EYA3: variants seen among roughly 807,000 people sequenced by gnomAD.
EYA3 encodes protein phosphatase EYA3.
EYA3 carries 39 observed loss-of-function variants against 80.0 expected under a neutral mutation model. The observed-to-expected ratio is 0.49, with a 90% CI of 0.38 to 0.64. EYA3 has a LOEUF of 0.64. Ranked by LOEUF, EYA3 falls within the 30% of genes least tolerant of loss-of-function variation. The probability of loss-of-function intolerance (pLI) is 0.00; values close to 1 mark genes in which losing one functional copy is unlikely to be tolerated. For missense variants in EYA3, 523 were observed against 676.1 expected (o/e 0.77, Z 2.51); for synonymous variants, 206 against 232.8 (o/e 0.88, Z 1.05).
chr1:27,978,477 G>A lies in EYA3; in HGVS notation c.1541-3C>T, dbSNP rs1443130740. ...TCTCTCAAAGCAGCTCTCCTTACCT[G>A]ATGAGAAAAAGAAATTTCCTGTTAG... On this transcript the variant is annotated splice_region_variant and splice_polypyrimidine_tract_variant and intron_variant, in intron 16 of 17. Coordinates refer to ENST00000373871, the MANE Select transcript of EYA3 (RefSeq NM_001990.4). The A allele has an allele frequency of 2.5e-6, 4 of 1,611,642 alleles. No homozygotes were observed. The East Asian group carries it at 6.7e-5, about 27-fold the overall frequency.
chr1:28,066,290 T>C lies in EYA3; in HGVS notation c.-68-8196A>G, dbSNP rs181292251. 1.9e-3 allele frequency among the ~76,000 whole-genome samples: 290 copies of C among 152,188 alleles called. 2 individuals carry two copies. Among genetic ancestry groups the C allele is most frequent in the Non-Finnish European group, 3.2e-3 (217 of 67,996 alleles). The stretch of plus-strand genomic sequence containing the variant: ...CAGACCAAGGTTGATAGAAGGTAAC[T>C]AAAACCGCCAAAAGCAAAACTACAG... On this transcript the variant is annotated intron_variant, in intron 1 of 17. Coordinates refer to ENST00000373871, the MANE Select transcript of EYA3 (RefSeq NM_001990.4).
intron 11 of EYA3, among the ~76,000 whole-genome samples, chr1:28,001,626 C>A (rs1245982757): frequency 6.7e-6 from 1 of 149,748 alleles, no homozygotes; most frequent in Non-Finnish European, 1.5e-5. Flanking sequence ...GTAGTCCCAG[C>A]CACTCAGGGG....
intron 5 of EYA3, among the ~76,000 whole-genome samples, chr1:28,037,923 C>T (rs1643542653): frequency 6.6e-6 from 1 of 152,132 alleles, no homozygotes; most frequent in South Asian, 2.1e-4. Context: ...TTAATAAATG[C>T]ACTTGTATGT....
intron 3 of EYA3, among the ~76,000 whole-genome samples, chr1:28,043,861 A>C (rs1190014688): frequency 1.3e-5 from 2 of 152,180 alleles, no homozygotes; most frequent in African/African-American, 4.8e-5. Flanking sequence ...ACAAACAAAC[A>C]AACAAACAAA....
At chr1:28,005,989 C>T (rs1368332727) in intron 10 of EYA3, among the ~76,000 whole-genome samples, 1 of 151,758 alleles carries the variant, frequency 6.6e-6, no homozygotes, top group African/African-American at 2.4e-5. Flanking sequence ...CTTGTAGTCC[C>T]AGCTACTTGG....
intron 7 of EYA3, among the ~76,000 whole-genome samples, chr1:28,022,980 C>T (rs569583742): frequency 6.6e-6 from 1 of 151,296 alleles, no homozygotes; most frequent in East Asian, 1.9e-4. Flanking sequence ...TAAAAGGAAC[C>T]AGGATTCCTT....
chr1:28,088,522 ACC>A lies in EYA3; in HGVS notation c.-69_-69+1del, dbSNP rs1275181325. ...CAGACCCTGTTGGCAGCTGAGACTC[ACC>A]CAAAGGCTGTAAAAGCCCCACAACA... On this transcript the variant is annotated splice_donor_variant and 5_prime_UTR_variant, in exon 1 of 18. Coordinates refer to ENST00000373871, the MANE Select transcript of EYA3 (RefSeq NM_001990.4). LOFTEE classifies it low-confidence loss of function (5UTR_SPLICE). The A allele has an allele frequency of 6.5e-6, 1 of 153,120 alleles. No individual in the cohort carries two copies. The highest frequency in any genetic ancestry group is 1.5e-5 in the Non-Finnish European group (1 of 68,480). 9.5% of individuals were successfully genotyped at this position (153,120 alleles called of 1,614,324 possible).
intron 12 of EYA3, among the ~76,000 whole-genome samples, chr1:27,999,556 T>C (rs1640685198): frequency 6.6e-6 from 1 of 152,184 alleles, no homozygotes; most frequent in South Asian, 2.1e-4. Flanking sequence ...GACTATCCTT[T>C]AAGAATGTAA....
At chr1:28,079,610 C>T (rs139791824) in intron 1 of EYA3, among the ~76,000 whole-genome samples, 47 of 152,164 alleles carry the variant, frequency 3.1e-4, no homozygotes, top group African/African-American at 1.1e-3. Flanking sequence ...TTCAACCTCA[C>T]GATTCCAAAA....
At chr1:28,032,899 T>C (rs1426424752) in intron 6 of EYA3, among the ~76,000 whole-genome samples, 4 of 152,314 alleles carry the variant, frequency 2.6e-5, no homozygotes, top group East Asian at 1.9e-4. Context: ...AATCCTGGGT[T>C]CAATTATAAT....
At chr1:28,046,459 CTT>C (rs1384640591) in intron 3 of EYA3, among the ~76,000 whole-genome samples, 2 of 151,802 alleles carry the variant, frequency 1.3e-5, no homozygotes, top group Non-Finnish European at 2.9e-5. Context: ...CCTAATCTCT[CTT>C]TGAACTAGGG....
intron 7 of EYA3, among the ~76,000 whole-genome samples, chr1:28,025,945 G>C (rs1287196841): frequency 6.6e-6 from 1 of 152,116 alleles, no homozygotes; most frequent in African/African-American, 2.4e-5. Flanking sequence ...TTTTAGTAGA[G>C]ACGGGGTTTC....
intron 6 of EYA3, among the ~76,000 whole-genome samples, chr1:28,031,477 G>A (rs1474495018): frequency 6.6e-6 from 1 of 152,190 alleles, no homozygotes; most frequent in African/African-American, 2.4e-5. Context: ...AGCTAACAAT[G>A]GGTAAGTAAG....
intron 2 of EYA3, among the ~76,000 whole-genome samples, chr1:28,056,714 G>GAGAT (rs147671834): frequency 6.6e-6 from 1 of 152,318 alleles, no homozygotes; most frequent in East Asian, 1.9e-4. Context: ...CAGGGCAGAA[G>GAGAT]AGATAGATGA....
intron 16 of EYA3, among the ~76,000 whole-genome samples, chr1:27,984,924 G>A (rs1379731517): frequency 5.3e-5 from 8 of 151,918 alleles, no homozygotes; most frequent in Non-Finnish European, 4.4e-5. Context: ...TATTAGAACA[G>A]GCCTAATAAA....
intron 9 of EYA3, among the ~76,000 whole-genome samples, chr1:28,012,262 T>C (rs1641745217): frequency 6.6e-6 from 1 of 152,168 alleles, no homozygotes; most frequent in South Asian, 2.1e-4. Context: ...TCTCCAATAT[T>C]CAAAAGTTAA....
chr1:27,983,346 A>G lies in EYA3; in HGVS notation c.1541-4872T>C, dbSNP rs12124757. ...ATGATCATAGGGTTATGTACACCTC[A>G]AACTTCATTAGACATTAACGTTCTC... On this transcript the variant is annotated intron_variant, in intron 16 of 17. Coordinates refer to ENST00000373871, the MANE Select transcript of EYA3 (RefSeq NM_001990.4). Among the ~76,000 whole-genome samples the G allele has an allele frequency of 9.2e-3, 1,402 of 152,338 alleles. 10 individuals carry two copies. Among genetic ancestry groups the G allele is most frequent in the African/African-American group, 0.017 (703 of 41,578 alleles).
chr1:28,055,935 C>G (rs1449230659), intron 2 of EYA3, among the ~76,000 whole-genome samples: 1 of 152,018 alleles, frequency 6.6e-6, no homozygotes, highest in Non-Finnish European at 1.5e-5. Context: ...TTATCATCAA[C>G]TTGGGATGGG....
chr1:28,072,739 G>A (rs1645059386), intron 1 of EYA3, among the ~76,000 whole-genome samples: 1 of 152,064 alleles, frequency 6.6e-6, no homozygotes, highest in South Asian at 2.1e-4. Context: ...ATCTACCTAA[G>A]TGAAAAGAAT....
Sources: allele counts gnomAD v4.1 joint callset (sites outside exome capture counted in the v4.1 genomes callset), GRCh38; gene constraint gnomAD v4.1.1; transcripts MANE v1.5; gene names NCBI Gene and HGNC (gene_info 2026-07-23, HGNC 2026-07-21).